Variants in TRABD2B observed in about 807,000 individuals in gnomAD.
The protein encoded by TRABD2B is TraB domain containing 2B.
TRABD2B carries 14 observed loss-of-function variants against 40.1 expected under a neutral mutation model. That is an observed-to-expected ratio of 0.35 (90% confidence interval 0.23 to 0.55). TRABD2B has a LOEUF of 0.55. Ranked by LOEUF, TRABD2B falls within the 20% of genes least tolerant of loss-of-function variation. The probability of loss-of-function intolerance (pLI) is 0.90; values close to 1 mark genes in which losing one functional copy is unlikely to be tolerated. For synonymous variants in TRABD2B, 263 were observed against 277.0 expected, an observed-to-expected ratio of 0.95 and a Z score of 0.50; for missense variants, 541 against 648.6, an observed-to-expected ratio of 0.83 and a Z score of 1.80.
chr1:47,882,252 G>A (rs1342672078), intron 2 of TRABD2B, among the ~76,000 whole-genome samples: 1 of 152,174 alleles, frequency 6.6e-6, no homozygotes, highest in African/African-American at 2.4e-5. Flanking sequence ...TGCTGCCGTT[G>A]CATGGGACTT....
intron 2 of TRABD2B, among the ~76,000 whole-genome samples, chr1:47,897,189 T>C (rs901153698): frequency 1.8e-4 from 27 of 151,994 alleles, no homozygotes; most frequent in African/African-American, 6.0e-4. Flanking sequence ...AAGGTGACAT[T>C]TGAATAAAGA....
At chr1:47,829,143 G>A (rs142880580) in intron 2 of TRABD2B, among the ~76,000 whole-genome samples, 1 of 152,168 alleles carries the variant, frequency 6.6e-6, no homozygotes, top group East Asian at 1.9e-4. Context: ...TGGGACATCA[G>A]TATGGGTCTG....
chr1:47,895,474 A>G (rs1333061692), intron 2 of TRABD2B, among the ~76,000 whole-genome samples: 1 of 152,050 alleles, frequency 6.6e-6, no homozygotes, highest in East Asian at 1.9e-4. Context: ...CTCCCACCAC[A>G]GTTAAAGAAA....
intron 2 of TRABD2B, among the ~76,000 whole-genome samples, chr1:47,925,978 C>T (rs1486762767): frequency 6.6e-6 from 1 of 152,164 alleles, no homozygotes; most frequent in African/African-American, 2.4e-5. Flanking sequence ...TTCTGTTCAA[C>T]TTTTCCCTGT....
intron 2 of TRABD2B, among the ~76,000 whole-genome samples, chr1:47,984,427 G>A (rs529423924): frequency 5.3e-5 from 8 of 152,356 alleles, no homozygotes; most frequent in African/African-American, 1.9e-4. Context: ...GGCGCGGCTC[G>A]GGCCAAACGC....
chr1:47,960,761 A>C (rs1464527975), intron 2 of TRABD2B, among the ~76,000 whole-genome samples: 1 of 152,202 alleles, frequency 6.6e-6, no homozygotes, highest in East Asian at 1.9e-4. Flanking sequence ...AGGAAGAATC[A>C]ATATCGTGAA....
At chr1:47,820,898 G>A (rs561521224) in intron 2 of TRABD2B, among the ~76,000 whole-genome samples, 2 of 152,228 alleles carry the variant, frequency 1.3e-5, no homozygotes, top group East Asian at 3.9e-4. Flanking sequence ...CTACGGCTCA[G>A]AGAGGCTGAA....
chr1:47,853,038 C>T (rs1174175663), intron 2 of TRABD2B, among the ~76,000 whole-genome samples: 2 of 152,060 alleles, frequency 1.3e-5, no homozygotes, highest in Non-Finnish European at 2.9e-5. Flanking sequence ...GGAAAGCCTC[C>T]CCAACATCCT....
Position 47,839,569 on chromosome 1 carries a change from C to A in TRABD2B, c.667-37950G>T, listed in dbSNP as rs529590468. Among the ~76,000 whole-genome samples, 3 of 152,308 alleles carry A rather than the reference C, an allele frequency of 2.0e-5. No individual in the cohort carries two copies. The East Asian group carries it at 5.8e-4, about 29-fold the overall frequency. On this transcript the variant is annotated intron_variant, in intron 2 of 6. Transcript: ENST00000606738. Reference sequence around the variant, plus strand: ...TCCCTGCCATCCACGCTCCAGCCTGCAGCCAGAGGGAATTTATGAAATGCA... The same window carrying A: ...TCCCTGCCATCCACGCTCCAGCCTGAAGCCAGAGGGAATTTATGAAATGCA...
intron 2 of TRABD2B, among the ~76,000 whole-genome samples, chr1:47,885,154 C>A (rs1644354256): frequency 6.6e-6 from 1 of 152,198 alleles, no homozygotes; most frequent in Non-Finnish European, 1.5e-5. Flanking sequence ...TACTTCATTA[C>A]AAGGTGCCAT....
chr1:47,874,518 C>T (rs371325335), intron 2 of TRABD2B, among the ~76,000 whole-genome samples: 3 of 148,968 alleles, frequency 2.0e-5, no homozygotes, highest in East Asian at 2.0e-4. Context: ...ATGATCCACC[C>T]GCCTCGGCCT....
At chr1:47,777,084 C>G (rs1208870803) in intron 5 of TRABD2B, among the ~76,000 whole-genome samples, 1 of 152,206 alleles carries the variant, frequency 6.6e-6, no homozygotes, top group Non-Finnish European at 1.5e-5. Flanking sequence ...GGAGGGCCCC[C>G]TCCCCTAATG....
At chr1:47,836,799 A>T (rs1475040705) in intron 2 of TRABD2B, among the ~76,000 whole-genome samples, 1 of 152,170 alleles carries the variant, frequency 6.6e-6, no homozygotes, top group Non-Finnish European at 1.5e-5. Context: ...TGCCCCTTCC[A>T]CCATATGAGG....
chr1:47,923,889 TCTCA>T (rs1188869341), intron 2 of TRABD2B, among the ~76,000 whole-genome samples: 1 of 149,956 alleles, frequency 6.7e-6, no homozygotes, highest in African/African-American at 2.5e-5. Context: ...AATCTCTCTC[TCTCA>T]CTCTCTACAC....
At chr1:47,802,905 C>G (rs540834022) in intron 2 of TRABD2B, among the ~76,000 whole-genome samples, 1 of 152,248 alleles carries the variant, frequency 6.6e-6, no homozygotes, top group Admixed American at 6.5e-5. Context: ...AGGGCTAGCT[C>G]TTGAGTAGAG....
chr1:47,837,040 G>A (rs1645328552), intron 2 of TRABD2B, among the ~76,000 whole-genome samples: 1 of 152,246 alleles, frequency 6.6e-6, no homozygotes, highest in African/African-American at 2.4e-5. Flanking sequence ...TTCCTATTAG[G>A]TGTGGTGTTT....
At chr1:47,857,950 A>G (rs1217991595) in intron 2 of TRABD2B, among the ~76,000 whole-genome samples, 11 of 133,942 alleles carry the variant, frequency 8.2e-5, no homozygotes, top group Non-Finnish European at 1.7e-4. Flanking sequence ...CAGACAGGTG[A>G]GTACACACAA....
intron 2 of TRABD2B, among the ~76,000 whole-genome samples, chr1:47,867,990 G>A (rs1257299399): frequency 6.6e-6 from 1 of 152,172 alleles, no homozygotes; most frequent in African/African-American, 2.4e-5. Flanking sequence ...AGGAAGAGGA[G>A]ATCCATTTGT....
At chr1:47,900,358 A>T (rs1325628328) in intron 2 of TRABD2B, among the ~76,000 whole-genome samples, 4 of 152,146 alleles carry the variant, frequency 2.6e-5, no homozygotes, top group Non-Finnish European at 2.9e-5. Flanking sequence ...GTTGGCAGGA[A>T]CCGAGCAAGT....
Sources: allele counts gnomAD v4.1 joint callset (sites outside exome capture counted in the v4.1 genomes callset), GRCh38; gene constraint gnomAD v4.1.1; transcripts MANE v1.5; gene names NCBI Gene and HGNC (gene_info 2026-07-23, HGNC 2026-07-21).